Variants in MRAP2 observed in about 807,000 individuals in gnomAD.
MRAP2 encodes melanocortin-2 receptor accessory protein 2.
In MRAP2, 20 loss-of-function variants were observed where a neutral mutation model predicts 17.4. The ratio of observed to expected loss-of-function variants is 1.15; its 90% CI spans 0.81 to 1.67. The LOEUF (loss-of-function observed/expected upper bound fraction) is 1.67. MRAP2 is among the 40% of genes most tolerant of loss of function. MRAP2 has a pLI of 0.00. For missense variants in MRAP2, 238 were observed against 240.0 expected, an observed-to-expected ratio of 0.99 and a Z score of 0.05; for synonymous variants, 96 against 88.4, an observed-to-expected ratio of 1.09 and a Z score of -0.48.
In MRAP2 at chr6:84,050,494, A is replaced by G. The variant is rs111547229; in HGVS notation, c.-7-4818A>G. On this transcript the variant is annotated intron_variant, in intron 1 of 3. Transcript: ENST00000257776. ...CCCTAGGCACGAGTAAGCTGGGTGCACCATTGTTCTGTGCAAGGAGGAAAT... is the reference window on the plus strand; with the variant it reads ...CCCTAGGCACGAGTAAGCTGGGTGCGCCATTGTTCTGTGCAAGGAGGAAAT... Among the ~76,000 whole-genome samples, 726 of 152,308 alleles carry G rather than the reference A, an allele frequency of 4.8e-3. 8 individuals carry two copies. Among genetic ancestry groups the G allele is most frequent in the African/African-American group, 0.017 (702 of 41,574 alleles).
In MRAP2 at chr6:84,033,789, C is replaced by T. The variant is rs914331985; in HGVS notation, c.-102C>T. On this transcript the variant is annotated 5_prime_UTR_variant, in exon 1 of 4. Coordinates refer to ENST00000257776, the MANE Select transcript of MRAP2 (RefSeq NM_138409.4). The stretch of plus-strand genomic sequence containing the variant: ...TAGGAGCTACTCGCCCGGCCCTGGG[C>T]GGTGGGAGGCGGCGGCGGCGGCGGC... The T allele has an allele frequency of 4.1e-6, 4 of 986,738 alleles. No individual in the cohort carries two copies. The highest frequency in any genetic ancestry group is 3.6e-6 in the Non-Finnish European group (3 of 830,948). The allele number at this position is 986,738 out of a possible 1,614,324, so 61.1% of individuals were successfully genotyped here. A position where few individuals can be genotyped will look rare whatever the true frequency, so the allele number is the denominator to read the frequency against.
the MRAP2 span, among the ~76,000 whole-genome samples, chr6:84,109,844 G>A: frequency 6.6e-6 from 1 of 151,016 alleles, no homozygotes; most frequent in Non-Finnish European, 1.5e-5. Flanking sequence ...GAGTGAGAAC[G>A]TGCGGTGTTT....
chr6:84,085,554 G>C (rs977488817), intron 3 of MRAP2, among the ~76,000 whole-genome samples: 1 of 152,168 alleles, frequency 6.6e-6, no homozygotes, highest in African/African-American at 2.4e-5. Flanking sequence ...CACTTAGGAT[G>C]TTTATTTTTG....
At chr6:84,104,467 G>A in the MRAP2 span, among the ~76,000 whole-genome samples, 3,521 of 152,180 alleles carry the variant, frequency 0.023, 140 homozygotes, top group African/African-American at 0.08. Context: ...CTTTTCTATC[G>A]CATAGTTAGG....
At chr6:84,048,692 AG>A (rs1389458697) in intron 1 of MRAP2, among the ~76,000 whole-genome samples, 1 of 152,212 alleles carries the variant, frequency 6.6e-6, no homozygotes, top group African/African-American at 2.4e-5. Context: ...ATGGAGCATT[AG>A]GGTCCTGTTT....
chr6:84,051,203 T>C (rs779796146), intron 1 of MRAP2, among the ~76,000 whole-genome samples: 4 of 152,214 alleles, frequency 2.6e-5, no homozygotes, highest in Non-Finnish European at 4.4e-5. Flanking sequence ...AGAAGTTCTA[T>C]GTCTGAGTAC....
intron 3 of MRAP2, among the ~76,000 whole-genome samples, chr6:84,067,354 A>G (rs1341749790): frequency 1.3e-5 from 2 of 152,190 alleles, no homozygotes; most frequent in African/African-American, 4.8e-5. Context: ...GTCTGCAAGT[A>G]TCTTTTTTGT....
intron 3 of MRAP2, chr6:84,063,248 A>T (rs960367838): frequency 7.1e-6 from 7 of 985,264 alleles, no homozygotes; most frequent in Admixed American, 6.1e-5. Context: ...CTTAATGATG[A>T]TGTGGGCCTG....
chr6:84,043,909 G>T (rs927977538), intron 1 of MRAP2, among the ~76,000 whole-genome samples: 7 of 152,146 alleles, frequency 4.6e-5, no homozygotes, highest in African/African-American at 1.7e-4. Context: ...GCATATTTAT[G>T]AGAACTTAGT....
At position 84,062,919 on chromosome 6, in the gene MRAP2, G is replaced by C; in HGVS notation, c.154G>C (p.Gly52Arg). ...TTCCATTGTGATTGGATTTTGGGTT[G>C]GTCTTGCAGTCTTCGTGATTTTTAT... The part of the protein sequence containing the change: ...KYSIVIGFWV[G>R]LAVFVIFMFF... Residue 52 changes from glycine to arginine, a missense_variant, in exon 3 of 4, where the codon GGT becomes CGT. Gly to Arg is a moderately radical substitution (Grantham distance 125). Coordinates refer to ENST00000257776, the MANE Select transcript of MRAP2 (RefSeq NM_138409.4). 1.2e-6 allele frequency: 2 copies of C among 1,614,176 alleles called. No homozygotes were observed. The highest frequency in any genetic ancestry group is 1.7e-6 in the Non-Finnish European group (2 of 1,180,018).
At chr6:84,088,945 A>G (rs2099501144) in intron 3 of MRAP2, 146 bp from the exon 4 acceptor site, 2 of 840,998 alleles carry the variant, frequency 2.4e-6, no homozygotes, top group African/African-American at 1.7e-5. Flanking sequence ...CTTATTTCTC[A>G]TGTTTGTCTG....
At chr6:84,061,115 G>A (rs947605634) in intron 2 of MRAP2, among the ~76,000 whole-genome samples, 2 of 152,072 alleles carry the variant, frequency 1.3e-5, no homozygotes, top group Non-Finnish European at 2.9e-5. Context: ...AATACACATT[G>A]TTAACCTCTA....
the MRAP2 span, chr6:84,126,662 T>C: frequency 1.9e-6 from 1 of 540,176 alleles, no homozygotes; most frequent in Non-Finnish European, 3.1e-6. Context: ...ATTCTCTATA[T>C]CCAGAAAGTA....
the MRAP2 span, among the ~76,000 whole-genome samples, chr6:84,134,497 T>A: frequency 1.3e-5 from 2 of 152,204 alleles, no homozygotes; most frequent in Non-Finnish European, 2.9e-5. Context: ...GTGAATCTTC[T>A]GGTGTGTGCA....
At chr6:84,117,645 GTGTGTC>G in the MRAP2 span, among the ~76,000 whole-genome samples, 1,339 of 104,548 alleles carry the variant, frequency 0.013, 24 homozygotes, top group African/African-American at 0.1. Flanking sequence ...GATGTGGGGT[GTGTGTC>G]TGTGTGTGTG....
At chr6:84,034,975 C>G (rs1470705230) in intron 1 of MRAP2, among the ~76,000 whole-genome samples, 1 of 152,026 alleles carries the variant, frequency 6.6e-6, no homozygotes, top group Non-Finnish European at 1.5e-5. Flanking sequence ...TGACGAGGGC[C>G]TGCAAGGATA....
At chr6:84,045,718 A>G (rs2099488843) in intron 1 of MRAP2, among the ~76,000 whole-genome samples, 1 of 151,848 alleles carries the variant, frequency 6.6e-6, no homozygotes, top group African/African-American at 2.4e-5. Flanking sequence ...AGCTGAGATC[A>G]CGCCACTGCA....
chr6:84,068,285 A>G (rs564431750), intron 3 of MRAP2, among the ~76,000 whole-genome samples: 2 of 152,250 alleles, frequency 1.3e-5, no homozygotes, highest in South Asian at 4.1e-4. Context: ...TTTGGTGACT[A>G]TGGCCTTATA....
At chr6:84,034,461 A>C (rs1487791468) in intron 1 of MRAP2, among the ~76,000 whole-genome samples, 8 of 150,640 alleles carry the variant, frequency 5.3e-5, no homozygotes, top group African/African-American at 2.0e-4. Flanking sequence ...GGGGTTTTAC[A>C]CTTTCCCCGC....
Sources: gnomAD v4.1 joint callset for allele counts (sites outside exome capture counted in the v4.1 genomes callset) on GRCh38, gnomAD v4.1.1 for gene constraint, MANE v1.5 for transcripts, NCBI Gene and HGNC (gene_info 2026-07-23, HGNC 2026-07-21) for gene names.